Variants in ZNF362 observed in about 807,000 individuals in gnomAD.
ZNF362 encodes rotund homolog.
A neutral mutation model predicts 42.9 loss-of-function variants in ZNF362; 11 were observed. The observed-to-expected ratio is 0.26, with a 90% CI of 0.16 to 0.42. ZNF362 has a LOEUF of 0.42. Among genes scored for constraint, ZNF362 ranks in the 20% least tolerant of loss-of-function variants. The pLI is 1.00. For missense variants in ZNF362, 362 were observed against 576.2 expected, an observed-to-expected ratio of 0.63 and a Z score of 3.81; for synonymous variants, 255 against 257.3, an observed-to-expected ratio of 0.99 and a Z score of 0.09.
Position 33,266,938 on chromosome 1 carries a change from A to G in ZNF362, c.-88-3549A>G, listed in dbSNP as rs1456292004. Among the ~76,000 whole-genome samples, 1 of 152,150 alleles carries G rather than the reference A, an allele frequency of 6.6e-6. No homozygotes were observed. The highest frequency in any genetic ancestry group is 1.5e-5 in the Non-Finnish European group (1 of 68,024). On this transcript the variant is annotated intron_variant, in intron 1 of 8. Transcript: ENST00000539719. The surrounding 1 kb of genome is among the most constrained non-coding windows in gnomAD (Gnocchi z 4.3). The stretch of plus-strand genomic sequence containing the variant: ...ACCCCAAAAGTGATGGGAATCCAAG[A>G]AGGATTTTAAGCGGTAGACTTAGCG...
At chr1:33,213,110 A>G in the ZNF362 span, among the ~76,000 whole-genome samples, 21 of 152,340 alleles carry the variant, frequency 1.4e-4, no homozygotes, top group African/African-American at 4.8e-4. Context: ...CAAAAAGAGT[A>G]TGTATGTATT....
At chr1:33,163,584 G>T in the ZNF362 span, 1 of 152,258 alleles carries the variant, frequency 6.6e-6, no homozygotes, top group South Asian at 2.1e-4. Flanking sequence ...TGTGGCTGGG[G>T]AAACAGCCCC....
At chr1:33,231,517 A>G in the ZNF362 span, among the ~76,000 whole-genome samples, 5 of 152,178 alleles carry the variant, frequency 3.3e-5, no homozygotes, top group Admixed American at 1.3e-4. Context: ...TGTGGAATCC[A>G]CAGTCCCCGA....
the ZNF362 span, among the ~76,000 whole-genome samples, chr1:33,156,555 G>T: frequency 6.6e-6 from 1 of 152,096 alleles, no homozygotes; most frequent in African/African-American, 2.4e-5. Flanking sequence ...CCTTGGCTGG[G>T]TCCCCCTCTT....
intron 1 of ZNF362, among the ~76,000 whole-genome samples, chr1:33,264,927 G>A (rs1221625791): frequency 6.6e-6 from 1 of 151,974 alleles, no homozygotes; most frequent in African/African-American, 2.4e-5. Flanking sequence ...TGATTAAGCT[G>A]TCCGTTCATG....
chr1:33,265,555 C>T (rs1645859791), intron 1 of ZNF362, among the ~76,000 whole-genome samples: 1 of 152,060 alleles, frequency 6.6e-6, no homozygotes, highest in Non-Finnish European at 1.5e-5. Flanking sequence ...GCCAGGACTG[C>T]CCAAAGTCTT....
intron 2 of ZNF362, among the ~76,000 whole-genome samples, chr1:33,273,311 A>G (rs908205257): frequency 3.3e-5 from 5 of 152,220 alleles, no homozygotes; most frequent in Admixed American, 6.5e-5. Flanking sequence ...CAGAGAAATC[A>G]GGCAAAGGTG....
chr1:33,272,217 T>G (rs1377408494), intron 2 of ZNF362, among the ~76,000 whole-genome samples: 4 of 152,156 alleles, frequency 2.6e-5, no homozygotes, highest in Admixed American at 6.5e-5. Context: ...CCATAAGCTT[T>G]GACCTCAGGG....
At chr1:33,252,351 T>A (rs935488734), upstream of ZNF362, among the ~76,000 whole-genome samples, 1 of 90,704 alleles carries the variant, frequency 1.1e-5, no homozygotes, top group African/African-American at 4.4e-5. Context: ...AAACTCCATC[T>A]CAAAACAACA....
intron 1 of ZNF362, among the ~76,000 whole-genome samples, chr1:33,263,055 C>T (rs917411850): frequency 6.6e-6 from 1 of 152,254 alleles, no homozygotes; most frequent in Non-Finnish European, 1.5e-5. Flanking sequence ...CTGTACACAG[C>T]TCTGTTCACT....
intron 6 of ZNF362, chr1:33,282,045 C>T (rs1297032666): frequency 3.5e-6 from 2 of 564,144 alleles, no homozygotes; most frequent in Admixed American, 3.0e-5. Context: ...AGACACCCCT[C>T]TCCCGCTTTT....
At chr1:33,178,351 C>A in the ZNF362 span, among the ~76,000 whole-genome samples, 1 of 152,198 alleles carries the variant, frequency 6.6e-6, no homozygotes, top group Non-Finnish European at 1.5e-5. Context: ...GAGGGAGAGG[C>A]AGGTGGGGTG....
At chr1:33,191,786 T>C in the ZNF362 span, among the ~76,000 whole-genome samples, 2 of 152,236 alleles carry the variant, frequency 1.3e-5, no homozygotes, top group East Asian at 3.8e-4. Context: ...ATTACAGGCA[T>C]AAGCCTGGCC....
chr1:33,255,433 G>C (rs1200328817), upstream of ZNF362, among the ~76,000 whole-genome samples: 1 of 151,846 alleles, frequency 6.6e-6, no homozygotes, highest in East Asian at 1.9e-4. Flanking sequence ...CCAGCGGTCG[G>C]GGGGTGGTGG....
At chr1:33,136,063 G>GC in the ZNF362 span, among the ~76,000 whole-genome samples, 5 of 151,442 alleles carry the variant, frequency 3.3e-5, no homozygotes, top group Non-Finnish European at 7.4e-5. Flanking sequence ...CTTCTTGACT[G>GC]CCCCCATCCC....
upstream of ZNF362, among the ~76,000 whole-genome samples, chr1:33,253,399 G>T (rs568089612): frequency 6.6e-6 from 1 of 151,498 alleles, no homozygotes; most frequent in South Asian, 2.1e-4. Flanking sequence ...AGACCTGAAG[G>T]ATAAATTGAA....
the ZNF362 span, chr1:33,160,091 A>C: frequency 3.8e-6 from 4 of 1,043,394 alleles, no homozygotes; most frequent in African/African-American, 3.2e-5. Flanking sequence ...ATGCAAAAGC[A>C]TGGTGGTAGG....
the ZNF362 span, among the ~76,000 whole-genome samples, chr1:33,247,922 T>C: frequency 5.3e-5 from 8 of 152,216 alleles, no homozygotes; most frequent in South Asian, 1.7e-3. Flanking sequence ...GGCACTGTGC[T>C]GGGCACTCTC....
chr1:33,223,950 C>G, the ZNF362 span, among the ~76,000 whole-genome samples: 5 of 151,554 alleles, frequency 3.3e-5, no homozygotes, highest in African/African-American at 1.2e-4. Context: ...TCAGCTTAGT[C>G]CCTGACTGCA....
Sources: gnomAD v4.1 joint callset for allele counts (sites outside exome capture counted in the v4.1 genomes callset) on GRCh38, gnomAD v4.1.1 for gene constraint, Gnocchi (gnomAD v3.1) non-coding constraint, MANE v1.5 for transcripts, NCBI Gene and HGNC (gene_info 2026-07-23, HGNC 2026-07-21) for gene names.